Variants in NEK11 observed in about 807,000 individuals in gnomAD.
The protein encoded by NEK11 is serine/threonine-protein kinase Nek11.
NEK11 carries 72 observed loss-of-function variants against 80.7 expected under a neutral mutation model. The observed-to-expected ratio is 0.89, with a 90% CI of 0.74 to 1.08. NEK11 has a LOEUF of 1.08. Ranked by LOEUF, NEK11 falls within the 50% of genes least tolerant of loss-of-function variation. The pLI is 0.00. For missense variants in NEK11, 764 were observed against 763.6 expected (o/e 1.00, Z -0.01); for synonymous variants, 251 against 260.7 (o/e 0.96, Z 0.36).
intron 14 of NEK11, among the ~76,000 whole-genome samples, chr3:131,212,994 G>A (rs569445514): frequency 3.2e-4 from 49 of 152,322 alleles, no homozygotes; most frequent in African/African-American, 1.2e-3. Context: ...TTTAAGAGAA[G>A]AAGACTGATC....
At chr3:131,069,899 G>T (rs1209352154) in intron 3 of NEK11, among the ~76,000 whole-genome samples, 2 of 151,444 alleles carry the variant, frequency 1.3e-5, no homozygotes, top group Non-Finnish European at 2.9e-5. Flanking sequence ...AGTGGGTGCA[G>T]CGCACCAGCA....
At chr3:131,315,276 T>TC (rs2096824895) in intron 17 of NEK11, among the ~76,000 whole-genome samples, 3 of 152,098 alleles carry the variant, frequency 2.0e-5, no homozygotes, top group Admixed American at 6.6e-5. Context: ...ATTTAATCCC[T>TC]CCCCCCAACA....
chr3:131,305,636 AC>A, intron 17 of NEK11, among the ~76,000 whole-genome samples: 1 of 151,996 alleles, frequency 6.6e-6, no homozygotes, highest in Middle Eastern at 3.4e-3. Context: ...CTGGAATCTC[AC>A]CCCGTCCACC....
At chr3:131,141,568 A>G (rs1435820259) in intron 7 of NEK11, among the ~76,000 whole-genome samples, 1 of 152,202 alleles carries the variant, frequency 6.6e-6, no homozygotes, top group Non-Finnish European at 1.5e-5. Flanking sequence ...GAGGTGGTAT[A>G]TGTTAAAGGT....
intron 14 of NEK11, among the ~76,000 whole-genome samples, chr3:131,202,217 T>TA (rs1426423812): frequency 2.6e-5 from 4 of 152,224 alleles, no homozygotes; most frequent in East Asian, 1.9e-4. Context: ...CCAACTGAGA[T>TA]GCCTGGTTCA....
intron 14 of NEK11, among the ~76,000 whole-genome samples, chr3:131,176,393 G>A (rs964678296): frequency 1.3e-5 from 2 of 152,158 alleles, no homozygotes; most frequent in African/African-American, 2.4e-5. Flanking sequence ...ATTGATGGTG[G>A]TTTTATTTCA....
intron 15 of NEK11, among the ~76,000 whole-genome samples, chr3:131,237,243 G>A (rs59360033): frequency 0.012 from 1,883 of 152,164 alleles, 31 homozygotes; most frequent in African/African-American, 0.043. Context: ...GGCTGAGGCA[G>A]GAACATCACT....
At chr3:131,308,839 G>A (rs974409942) in intron 17 of NEK11, among the ~76,000 whole-genome samples, 1 of 152,158 alleles carries the variant, frequency 6.6e-6, no homozygotes, top group African/African-American at 2.4e-5. Context: ...ATTTTTCCAA[G>A]GATTGGGTGG....
At chr3:131,267,396 T>A (rs2096079770) in intron 16 of NEK11, among the ~76,000 whole-genome samples, 1 of 152,224 alleles carries the variant, frequency 6.6e-6, no homozygotes, top group Admixed American at 6.5e-5. Flanking sequence ...GGCGATAAAA[T>A]CGCTCAACAT....
rs113560773 is a variant in NEK11, at chr3:131,306,890, C to A, written c.1718+33316C>A. On this transcript the variant is annotated intron_variant, in intron 17 of 17. Transcript: ENST00000383366. ...CTCCAGGAATTCATCAGTTACAGTT[C>A]ATGTTTTCCTACCCCAGCACTGGTC... Among the ~76,000 whole-genome samples, 370 of 152,242 alleles carry A rather than the reference C, an allele frequency of 2.4e-3. 3 individuals are homozygous for A. Among genetic ancestry groups the A allele is most frequent in the Non-Finnish European group, 4.2e-3 (284 of 68,012 alleles).
chr3:131,152,303 C>T (rs531899158), intron 7 of NEK11, 85 bp from the exon 8 acceptor site: 1 of 1,203,782 alleles, frequency 8.3e-7, no homozygotes, highest in South Asian at 1.6e-5. Flanking sequence ...CAGCCAATGC[C>T]CCAACACATC....
At chr3:131,333,032 G>A (rs903739947) in intron 17 of NEK11, among the ~76,000 whole-genome samples, 4 of 152,184 alleles carry the variant, frequency 2.6e-5, no homozygotes, top group Non-Finnish European at 4.4e-5. Context: ...AACCAAGTTG[G>A]AAAACACTCT....
chr3:131,223,686 A>C (rs577280812), intron 14 of NEK11, among the ~76,000 whole-genome samples: 1 of 152,196 alleles, frequency 6.6e-6, no homozygotes, highest in Non-Finnish European at 1.5e-5. Flanking sequence ...TTGTTTTACT[A>C]TCTAGCCCTT....
intron 14 of NEK11, among the ~76,000 whole-genome samples, chr3:131,225,313 A>G (rs1321513277): frequency 6.6e-6 from 1 of 152,234 alleles, no homozygotes; most frequent in Non-Finnish European, 1.5e-5. Context: ...CCACATAAAC[A>G]TAGATGTGTA....
At chr3:131,272,463 C>CTTCTTTTTTTTT (rs2096210843) in intron 16 of NEK11, among the ~76,000 whole-genome samples, 4 of 43,900 alleles carry the variant, frequency 9.1e-5, no homozygotes, top group African/African-American at 3.6e-4. Context: ...GTTTTAGCTT[C>CTTCTTTTTTTTT]TTTTTTTTTT....
intron 15 of NEK11, among the ~76,000 whole-genome samples, chr3:131,231,078 AT>A (rs2095320330): frequency 6.6e-6 from 1 of 152,070 alleles, no homozygotes; most frequent in Admixed American, 6.5e-5. Flanking sequence ...TTCTTTATAA[AT>A]TACCCAGCCT....
At chr3:131,232,491 A>T (rs1234206525) in intron 15 of NEK11, among the ~76,000 whole-genome samples, 1 of 152,206 alleles carries the variant, frequency 6.6e-6, no homozygotes, top group Admixed American at 6.5e-5. Context: ...TGTGGCTGTC[A>T]CTGAGGCTTG....
chr3:131,290,973 A>G (rs372105921), intron 17 of NEK11, among the ~76,000 whole-genome samples: 2 of 152,314 alleles, frequency 1.3e-5, no homozygotes, highest in South Asian at 4.1e-4. Context: ...GTTAACTTTA[A>G]GGCTCACTGT....
chr3:131,280,467 A>C (rs1428025619), intron 17 of NEK11, among the ~76,000 whole-genome samples: 1 of 151,992 alleles, frequency 6.6e-6, no homozygotes, highest in Non-Finnish European at 1.5e-5. Context: ...TGCAATGTCT[A>C]ATCTACTGTT....
Sources: allele counts gnomAD v4.1 joint callset (sites outside exome capture counted in the v4.1 genomes callset), GRCh38; gene constraint gnomAD v4.1.1; transcripts MANE v1.5; gene names NCBI Gene and HGNC (gene_info 2026-07-23, HGNC 2026-07-21).